FAM169A: variants seen among roughly 807,000 people sequenced by gnomAD.
The protein encoded by FAM169A is soluble lamin-associated protein of 75 kDa.
FAM169A carries 24 observed loss-of-function variants against 75.7 expected under a neutral mutation model. The ratio of observed to expected loss-of-function variants is 0.32; its 90% CI spans 0.23 to 0.45. The LOEUF is 0.45. Ranked by LOEUF, FAM169A falls within the 20% of genes least tolerant of loss-of-function variation. The probability of loss-of-function intolerance (pLI) is 1.00; values close to 1 mark genes in which losing one functional copy is unlikely to be tolerated. For missense variants in FAM169A, 673 were observed against 784.0 expected (o/e 0.86, Z 1.69); for synonymous variants, 271 against 271.0 (o/e 1.00, Z 0.00).
At chr5:74,849,851 T>C (rs1749350161) in intron 1 of FAM169A, among the ~76,000 whole-genome samples, 1 of 152,208 alleles carries the variant, frequency 6.6e-6, no homozygotes, top group African/African-American at 2.4e-5. Context: ...AAATAACTGC[T>C]ACAACTATCA....
chr5:74,834,144 A>C (rs1050127394), intron 5 of FAM169A, among the ~76,000 whole-genome samples: 4 of 152,172 alleles, frequency 2.6e-5, no homozygotes, highest in African/African-American at 9.7e-5. Flanking sequence ...GAGGGCTAGA[A>C]GATAGACAAA....
At chr5:74,824,995 TGTG>T (rs1747949727) in intron 5 of FAM169A, among the ~76,000 whole-genome samples, 2 of 152,124 alleles carry the variant, frequency 1.3e-5, no homozygotes, top group Admixed American at 6.6e-5. Context: ...AATAGTAATT[TGTG>T]ATTTGTTAGA....
rs1239652067 is a variant in FAM169A, at chr5:74,783,091, G to T, written c.1304C>A (p.Ser435Tyr). 6.2e-7 allele frequency: 1 copy of T among 1,613,634 alleles called. No homozygotes were observed. The highest frequency in any genetic ancestry group is 8.5e-7 in the Non-Finnish European group (1 of 1,179,730). Reference sequence around the variant, plus strand: ...TTCTGTTATAAGTGAGGTCTTAAGAGAATCGTCCATTATCTCACCATTCAT... The same window carrying T: ...TTCTGTTATAAGTGAGGTCTTAAGATAATCGTCCATTATCTCACCATTCAT... The part of the protein sequence containing the change: ...EPMNGEIMDD[S>Y]LKTSLITEEE... The change falls in exon 12 of 13, where the codon TCT becomes TAT. Residue 435 changes from serine to tyrosine, a missense_variant. Physicochemically the swap from Ser to Tyr is moderately radical, Grantham distance 144. This residue lies in a region of FAM169A where 510 missense variants were observed against 550.9 expected (regional missense o/e 0.93). Coordinates refer to ENST00000687041, the MANE Select transcript of FAM169A (RefSeq NM_001376049.1).
chr5:74,853,387 C>T (rs999866973), intron 1 of FAM169A, among the ~76,000 whole-genome samples: 5 of 152,126 alleles, frequency 3.3e-5, no homozygotes, highest in African/African-American at 1.2e-4. Context: ...ATCAGGTATT[C>T]CTATACACCC....
chr5:74,866,475 C>T (rs1561334767), upstream of FAM169A: 1 of 789,230 alleles, frequency 1.3e-6, no homozygotes, highest in Non-Finnish European at 1.5e-6. Flanking sequence ...GCGGCCCCTC[C>T]TCGGAGCCTG....
intron 1 of FAM169A, among the ~76,000 whole-genome samples, chr5:74,844,793 G>A (rs1412615559): frequency 2.0e-5 from 3 of 152,040 alleles, no homozygotes; most frequent in African/African-American, 7.2e-5. Context: ...CTCCAGCCTG[G>A]GTGACAGAGT....
At chr5:74,850,922 T>C (rs1478839398) in intron 1 of FAM169A, among the ~76,000 whole-genome samples, 1 of 152,200 alleles carries the variant, frequency 6.6e-6, no homozygotes, top group East Asian at 1.9e-4. Flanking sequence ...TGCTTTGTTT[T>C]TGTTTGTTGT....
chr5:74,800,650 C>T (rs1746524149), intron 10 of FAM169A, among the ~76,000 whole-genome samples: 1 of 151,960 alleles, frequency 6.6e-6, no homozygotes, highest in Non-Finnish European at 1.5e-5. Flanking sequence ...AATTCAAATA[C>T]AAACTCCTAC....
chr5:74,824,176 G>A (rs1471547252), intron 5 of FAM169A, among the ~76,000 whole-genome samples: 1 of 152,166 alleles, frequency 6.6e-6, no homozygotes, highest in Non-Finnish European at 1.5e-5. Flanking sequence ...CTGACTTATA[G>A]TAGTTGTTGA....
chr5:74,806,121 C>A (rs977313574), intron 6 of FAM169A, among the ~76,000 whole-genome samples: 3 of 151,748 alleles, frequency 2.0e-5, no homozygotes, highest in Admixed American at 6.6e-5. Context: ...GTAATTGAAA[C>A]AACCTAGTAT....
At chr5:74,859,583 C>T (rs908032228) in intron 1 of FAM169A, among the ~76,000 whole-genome samples, 3 of 152,074 alleles carry the variant, frequency 2.0e-5, no homozygotes, top group African/African-American at 7.2e-5. Flanking sequence ...CCACCACGCC[C>T]GGCGAAGGTT....
intron 6 of FAM169A, among the ~76,000 whole-genome samples, chr5:74,811,365 C>T (rs1306875082): frequency 6.6e-6 from 1 of 152,126 alleles, no homozygotes; most frequent in African/African-American, 2.4e-5. Flanking sequence ...ATTCTGCCTG[C>T]AGTGGATGTC....
Position 74,813,863 on chromosome 5 carries a change from G to A in FAM169A, c.647C>T (p.Pro216Leu), listed in dbSNP as rs1311899244. Reference sequence around the variant, plus strand: ...ACCTGTATACATGAGAGAAGACAGTGGATACCGCAAGCCAAGCGCATCTTC... The same window carrying A: ...ACCTGTATACATGAGAGAAGACAGTAGATACCGCAAGCCAAGCGCATCTTC... The part of the protein sequence containing the change: ...FTEDALGLRY[P>L]LSSLMYTACK... The change falls in exon 6 of 13, where the codon CCA (proline) becomes CTA (leucine). Residue 216 changes from proline to leucine, a missense_variant. This residue lies in a region of FAM169A where 510 missense variants were observed against 550.9 expected (regional missense o/e 0.93). Coordinates refer to ENST00000687041, the MANE Select transcript of FAM169A (RefSeq NM_001376049.1). 1 of 1,588,734 alleles carries A rather than the reference G, an allele frequency of 6.3e-7. No homozygotes were observed.
chr5:74,803,536 C>T (rs918432673), intron 8 of FAM169A, among the ~76,000 whole-genome samples: 6 of 152,102 alleles, frequency 3.9e-5, no homozygotes, highest in Admixed American at 6.5e-5. Context: ...CTTAGATACA[C>T]ACGTACAACA....
At chr5:74,842,506 A>G (rs1383500218) in intron 1 of FAM169A, among the ~76,000 whole-genome samples, 1 of 147,722 alleles carries the variant, frequency 6.8e-6, no homozygotes, top group Non-Finnish European at 1.5e-5. Context: ...TATATTATAA[A>G]TTATAATTCT....
At chr5:74,855,240 G>A (rs1472694423) in intron 1 of FAM169A, among the ~76,000 whole-genome samples, 1 of 152,130 alleles carries the variant, frequency 6.6e-6, no homozygotes, top group African/African-American at 2.4e-5. Flanking sequence ...CTGTTGTCCA[G>A]GCTGGAATGC....
At chr5:74,833,689 C>G (rs1267524327) in intron 5 of FAM169A, among the ~76,000 whole-genome samples, 1 of 152,146 alleles carries the variant, frequency 6.6e-6, no homozygotes, top group Non-Finnish European at 1.5e-5. Flanking sequence ...AGTGTATTCT[C>G]TGTGAAAGGT....
At position 74,845,594 on chromosome 5, in the gene FAM169A, T is replaced by C. The variant is rs1396324015; in HGVS notation, c.-3-3915A>G. 2.6e-5 allele frequency among the ~76,000 whole-genome samples: 4 copies of C among 152,210 alleles called. No individual in the cohort carries two copies. The East Asian group carries it at 7.7e-4, about 29-fold the overall frequency. On this transcript the variant is annotated intron_variant, in intron 1 of 12. Coordinates refer to ENST00000687041, the MANE Select transcript of FAM169A (RefSeq NM_001376049.1). ...GCCTAATTTTATATAAATATGTACA[T>C]TTCTACATCAAATTGATTTTTAAAA...
chr5:74,841,081 T>A (rs917533797), intron 2 of FAM169A, among the ~76,000 whole-genome samples: 38 of 152,162 alleles, frequency 2.5e-4, no homozygotes, highest in Non-Finnish European at 5.0e-4. Context: ...CAGTTCACAG[T>A]GAAACCCTAA....
Sources: gnomAD v4.1 joint callset for allele counts (sites outside exome capture counted in the v4.1 genomes callset) on GRCh38, gnomAD v4.1.1 for gene constraint, gnomAD v4.1.1 regional missense constraint, MANE v1.5 for transcripts, NCBI Gene and HGNC (gene_info 2026-07-23, HGNC 2026-07-21) for gene names.